HTR4: variants seen among roughly 807,000 people sequenced by gnomAD.
HTR4 encodes the protein 5-hydroxytryptamine (serotonin) receptor 4, G protein-coupled.
In HTR4, 16 loss-of-function variants were observed where a neutral mutation model predicts 36.8. The ratio of observed to expected loss-of-function variants is 0.43; its 90% CI spans 0.29 to 0.66. The LOEUF (loss-of-function observed/expected upper bound fraction) is 0.66. HTR4 is among the 30% of genes least tolerant of loss of function. HTR4 has a pLI of 0.13. For synonymous variants in HTR4, 189 were observed against 185.1 expected (o/e 1.02, Z -0.17); for missense variants, 438 against 490.9 (o/e 0.89, Z 1.02).
At chr5:148,473,421 G>C (rs1335014300), downstream of HTR4, among the ~76,000 whole-genome samples, 1 of 151,896 alleles carries the variant, frequency 6.6e-6, no homozygotes, top group Non-Finnish European at 1.5e-5. Context: ...AAATGTAAGA[G>C]ACTTGGAAGA....
At chr5:148,615,489 AT>A (rs1752626936) in intron 2 of HTR4, among the ~76,000 whole-genome samples, 1 of 131,020 alleles carries the variant, frequency 7.6e-6, no homozygotes, top group Non-Finnish European at 1.5e-5. Context: ...ATGAGATCAC[AT>A]GGACACAGGA....
chr5:148,457,346 C>T (rs150602519), intron 5 of HTR4, among the ~76,000 whole-genome samples: 80 of 152,208 alleles, frequency 5.3e-4, no homozygotes, highest in African/African-American at 1.8e-3. Flanking sequence ...GGGTTGCTTC[C>T]CCCATTTGCA....
chr5:148,548,579 A>C, intron 4 of HTR4, 89 bp downstream of exon 4: 4 of 1,035,944 alleles, frequency 3.9e-6, no homozygotes, highest in Middle Eastern at 2.1e-4. Flanking sequence ...CATTTCTTCT[A>C]ATGAATAAGA....
chr5:148,563,165 C>G (rs1267431434), intron 2 of HTR4, among the ~76,000 whole-genome samples: 1 of 152,198 alleles, frequency 6.6e-6, no homozygotes, highest in East Asian at 1.9e-4. Flanking sequence ...TCTCACCACT[C>G]TCTCTTTCCC....
rs185105665 is a variant in HTR4 at position 148,483,374 on chromosome 5, G to T, written c.1077-81C>A. 4.0e-6 allele frequency: 5 copies of T among 1,250,384 alleles called. No individual in the cohort carries two copies. In the Admixed American group the frequency reaches 9.8e-5, roughly 25 times the overall value. The allele number at this position is 1,250,384 out of a possible 1,614,324, so 77.5% of individuals were successfully genotyped here. A position where few individuals can be genotyped will look rare whatever the true frequency, so the allele number is the denominator to read the frequency against. ...TCTCCTGAAAGAGCCCACCTGCATG[G>T]CAGGAACACTCTGTGCCATGCAGAT... On this transcript the variant is annotated intron_variant, in intron 6 of 6. Coordinates refer to ENST00000377888, the MANE Select transcript of HTR4 (RefSeq NM_000870.7).
chr5:148,550,668 G>A (rs1375746067), intron 2 of HTR4, among the ~76,000 whole-genome samples: 2 of 152,190 alleles, frequency 1.3e-5, no homozygotes, highest in Non-Finnish European at 2.9e-5. Context: ...CCAACTTTGT[G>A]TATAAAATGG....
At position 148,654,240 on chromosome 5, in the gene HTR4, G is replaced by A. The variant is rs926660398; in HGVS notation, c.-226C>T. ...CGCGCTGGGGAGCCGGCGAGCGTGA[G>A]GCGCGGGCCAGGGGCTGCGGGCGCA... On this transcript the variant is annotated 5_prime_UTR_variant, in exon 1 of 7. Coordinates refer to ENST00000377888, the MANE Select transcript of HTR4 (RefSeq NM_000870.7). The A allele has an allele frequency of 1.0e-6, 1 of 985,144 alleles. No individual in the cohort carries two copies. The highest frequency in any genetic ancestry group is 6.2e-5 in the Admixed American group (1 of 16,248). The allele number at this position is 985,144 out of a possible 1,614,324, so 61.0% of individuals were successfully genotyped here.
intron 2 of HTR4, among the ~76,000 whole-genome samples, chr5:148,613,284 A>G (rs1489302179): frequency 7.9e-6 from 1 of 127,110 alleles, no homozygotes; most frequent in Non-Finnish European, 1.7e-5. Flanking sequence ...ATCCTCAATA[A>G]AATACTGGCA....
chr5:148,609,793 C>T (rs1752335057), intron 2 of HTR4, among the ~76,000 whole-genome samples: 1 of 152,082 alleles, frequency 6.6e-6, no homozygotes, highest in Non-Finnish European at 1.5e-5. Context: ...TTCGCAATCT[C>T]CTGAACTCGT....
chr5:148,536,568 CAG>C (rs1456885859), intron 4 of HTR4, among the ~76,000 whole-genome samples: 24 of 151,882 alleles, frequency 1.6e-4, no homozygotes, highest in Non-Finnish European at 1.0e-4. Flanking sequence ...AAATGGAAAA[CAG>C]AAAAAAACAG....
At chr5:148,573,309 G>T (rs1242814568) in intron 2 of HTR4, among the ~76,000 whole-genome samples, 1 of 152,024 alleles carries the variant, frequency 6.6e-6, no homozygotes, top group African/African-American at 2.4e-5. Flanking sequence ...ATTATACTCT[G>T]GGAACAAAGA....
In HTR4 at chr5:148,640,115, C is replaced by T. The variant is rs148157429; in HGVS notation, c.-47-3054G>A. ...TTGACCAATCTGGGAATAGAATTCA[C>T]GGCTATGAATTCCAAAACTCGAGCT... On this transcript the variant is annotated intron_variant, in intron 1 of 6. Coordinates refer to ENST00000377888, the MANE Select transcript of HTR4 (RefSeq NM_000870.7). 2.1e-4 allele frequency among the ~76,000 whole-genome samples: 32 copies of T among 152,258 alleles called. 1 individual carries two copies. Among genetic ancestry groups the T allele is most frequent in the South Asian group, 6.2e-4 (3 of 4,820 alleles).
At chr5:148,458,991 G>C (rs551998302) in intron 5 of HTR4, among the ~76,000 whole-genome samples, 1 of 152,290 alleles carries the variant, frequency 6.6e-6, no homozygotes, top group Non-Finnish European at 1.5e-5. Context: ...AGTAGCTTCA[G>C]GTAACACAAA....
At chr5:148,516,410 C>T (rs765540512) in intron 5 of HTR4, among the ~76,000 whole-genome samples, 3 of 146,038 alleles carry the variant, frequency 2.1e-5, no homozygotes, top group Non-Finnish European at 4.5e-5. Flanking sequence ...ACCTCCACCT[C>T]ATGGGTTCAA....
chr5:148,597,178 C>A (rs1213355946), intron 2 of HTR4, among the ~76,000 whole-genome samples: 1 of 152,204 alleles, frequency 6.6e-6, no homozygotes, highest in Non-Finnish European at 1.5e-5. Flanking sequence ...TGGTACTTGG[C>A]ACCCTGCTCT....
At chr5:148,564,877 C>T (rs1051101688) in intron 2 of HTR4, among the ~76,000 whole-genome samples, 3 of 151,864 alleles carry the variant, frequency 2.0e-5, no homozygotes, top group African/African-American at 4.8e-5. Context: ...TTTGGGAGGC[C>T]GAGGTGGGTG....
chr5:148,463,165 C>CTTTTTTTT (rs71001490), intron 5 of HTR4, among the ~76,000 whole-genome samples: 66 of 64,156 alleles, frequency 1.0e-3, no homozygotes, highest in Non-Finnish European at 1.2e-3. Context: ...CTTTTTTTTT[C>CTTTTTTTT]TTTTTTTTTT....
chr5:148,614,610 C>A (rs1387174093), intron 2 of HTR4, among the ~76,000 whole-genome samples: 6 of 152,188 alleles, frequency 3.9e-5, no homozygotes, highest in Non-Finnish European at 4.4e-5. Context: ...CCATTCAGGA[C>A]ATAGGCATGT....
At chr5:148,576,506 G>C (rs1020144205) in intron 2 of HTR4, among the ~76,000 whole-genome samples, 1 of 151,948 alleles carries the variant, frequency 6.6e-6, no homozygotes, top group Non-Finnish European at 1.5e-5. Flanking sequence ...AGCTCTAATA[G>C]CCAAGGCAAT....
Sources: allele counts gnomAD v4.1 joint callset (sites outside exome capture counted in the v4.1 genomes callset), GRCh38; gene constraint gnomAD v4.1.1; transcripts MANE v1.5; gene names NCBI Gene and HGNC (gene_info 2026-07-23, HGNC 2026-07-21).